Variants in ANKS1B observed in about 807,000 individuals in gnomAD.
ANKS1B encodes the protein ankyrin repeat and sterile alpha motif domain-containing protein 1B.
Under a neutral mutation model 148.3 loss-of-function variants are expected in ANKS1B, and 36 were observed. The observed-to-expected ratio is 0.24, with a 90% CI of 0.19 to 0.32. ANKS1B has a LOEUF of 0.32. ANKS1B is among the 10% of genes least tolerant of loss of function. ANKS1B has a pLI of 1.00. For missense variants in ANKS1B, 1,157 were observed against 1,542.6 expected (o/e 0.75, Z 4.19); for synonymous variants, 542 against 560.8 (o/e 0.97, Z 0.47).
chr12:98,968,556 T>C (rs776846949), intron 17 of ANKS1B, among the ~76,000 whole-genome samples: 28 of 152,284 alleles, frequency 1.8e-4, no homozygotes, highest in Non-Finnish European at 3.7e-4. Context: ...TTTTGTACTT[T>C]AGAGAAGAAT....
chr12:99,701,656 T>A (rs2054843699), intron 8 of ANKS1B, among the ~76,000 whole-genome samples: 1 of 152,102 alleles, frequency 6.6e-6, no homozygotes, highest in South Asian at 2.1e-4. Flanking sequence ...CATATTCTTA[T>A]ACTCATTAAT....
intron 17 of ANKS1B, among the ~76,000 whole-genome samples, chr12:99,013,124 G>A (rs2099940418): frequency 6.6e-6 from 1 of 152,166 alleles, no homozygotes; most frequent in Non-Finnish European, 1.5e-5. Context: ...AGAAAGTAAG[G>A]TAGCAATTAG....
At chr12:99,913,570 G>C (rs183224320) in intron 1 of ANKS1B, among the ~76,000 whole-genome samples, 43 of 152,268 alleles carry the variant, frequency 2.8e-4, no homozygotes, top group Admixed American at 2.7e-3. Context: ...GTAGTAAATG[G>C]ATTAAAGAGA....
chr12:98,843,323 T>C (rs911733698), intron 17 of ANKS1B, among the ~76,000 whole-genome samples: 1 of 152,206 alleles, frequency 6.6e-6, no homozygotes, highest in African/African-American at 2.4e-5. Context: ...CAGGGATGAA[T>C]TAGTTCCTGC....
chr12:99,144,684 T>C lies in ANKS1B; in HGVS notation c.2526+9605A>G, dbSNP rs190606234. Among the ~76,000 whole-genome samples, 50 of 152,094 alleles carry C rather than the reference T, an allele frequency of 3.3e-4. No individual in the cohort carries two copies. In the East Asian group the frequency reaches 5.0e-3, roughly 15 times the overall value. Reference sequence around the variant, plus strand: ...TAGATACACATCCTAGTAGATATAGTAGGATGTGGCCTTATTTGGAGATAG... The same window carrying C: ...TAGATACACATCCTAGTAGATATAGCAGGATGTGGCCTTATTTGGAGATAG... On this transcript the variant is annotated intron_variant, in intron 15 of 26. Coordinates refer to ENST00000683438, the MANE Select transcript of ANKS1B (RefSeq NM_001352186.2).
intron 14 of ANKS1B, among the ~76,000 whole-genome samples, chr12:99,209,011 C>T (rs778584045): frequency 3.3e-5 from 5 of 152,042 alleles, no homozygotes; most frequent in Admixed American, 6.6e-5. Context: ...ATAAGAATTA[C>T]TCTCTTTATA....
At chr12:99,390,618 AAG>A (rs1339210057) in intron 12 of ANKS1B, among the ~76,000 whole-genome samples, 1 of 152,200 alleles carries the variant, frequency 6.6e-6, no homozygotes, top group African/African-American at 2.4e-5. Flanking sequence ...AACATAAGAA[AAG>A]AGAGCTCTGG....
chr12:99,631,315 T>C (rs1452826265), intron 9 of ANKS1B, among the ~76,000 whole-genome samples: 1 of 152,034 alleles, frequency 6.6e-6, no homozygotes, highest in African/African-American at 2.4e-5. Flanking sequence ...ATACAGAAAA[T>C]TGTTACCGAG....
chr12:99,147,875 A>G (rs951955931), intron 15 of ANKS1B, among the ~76,000 whole-genome samples: 2 of 151,990 alleles, frequency 1.3e-5, no homozygotes, highest in African/African-American at 4.8e-5. Context: ...GATAGTGAAA[A>G]TCAGATATTG....
chr12:99,768,866 CT>C (rs993449050), intron 8 of ANKS1B, among the ~76,000 whole-genome samples: 1 of 148,498 alleles, frequency 6.7e-6, no homozygotes, highest in Non-Finnish European at 1.5e-5. Context: ...GGAGAACCTG[CT>C]TTTTTCCCCT....
chr12:99,797,563 T>C (rs1280449066), intron 4 of ANKS1B, among the ~76,000 whole-genome samples: 1 of 151,736 alleles, frequency 6.6e-6, no homozygotes, highest in Non-Finnish European at 1.5e-5. Context: ...AAAACAAAAT[T>C]TCCAAAATCG....
intron 17 of ANKS1B, among the ~76,000 whole-genome samples, chr12:98,953,563 T>C (rs912072950): frequency 4.4e-5 from 5 of 112,968 alleles, no homozygotes; most frequent in African/African-American, 8.0e-5. Context: ...TTTTTTTTTT[T>C]TTTGCCAAGG....
intron 14 of ANKS1B, among the ~76,000 whole-genome samples, chr12:99,205,724 A>G (rs916607868): frequency 1.3e-5 from 2 of 152,168 alleles, no homozygotes; most frequent in Non-Finnish European, 2.9e-5. Context: ...TGCTCTGAGA[A>G]GGTGCTTGAC....
At chr12:98,961,429 G>T (rs1481338607) in intron 17 of ANKS1B, among the ~76,000 whole-genome samples, 1 of 152,024 alleles carries the variant, frequency 6.6e-6, no homozygotes, top group Non-Finnish European at 1.5e-5. Flanking sequence ...AACTTTCCTG[G>T]ACAAACAAAG....
intron 17 of ANKS1B, among the ~76,000 whole-genome samples, chr12:98,930,505 A>G (rs1045140144): frequency 1.3e-5 from 2 of 152,204 alleles, no homozygotes; most frequent in Non-Finnish European, 2.9e-5. Context: ...AGCATTATTA[A>G]AAATAGCCCC....
At chr12:99,237,830 T>C (rs532266463) in intron 14 of ANKS1B, among the ~76,000 whole-genome samples, 1 of 152,240 alleles carries the variant, frequency 6.6e-6, no homozygotes, top group Non-Finnish European at 1.5e-5. Flanking sequence ...TTGCCAAGGC[T>C]GGTCTCAAAC....
intron 12 of ANKS1B, among the ~76,000 whole-genome samples, chr12:99,399,211 G>A (rs1331324779): frequency 1.3e-5 from 2 of 152,002 alleles, no homozygotes; most frequent in African/African-American, 2.4e-5. Context: ...AGTTCACCAT[G>A]GTTTAAATAG....
At chr12:99,627,998 A>T (rs1334256598) in intron 9 of ANKS1B, among the ~76,000 whole-genome samples, 2 of 152,190 alleles carry the variant, frequency 1.3e-5, no homozygotes, top group African/African-American at 4.8e-5. Context: ...ATACATTTTG[A>T]GAAATGTGGC....
At chr12:99,026,473 C>A (rs922569927) in intron 17 of ANKS1B, among the ~76,000 whole-genome samples, 5 of 152,120 alleles carry the variant, frequency 3.3e-5, no homozygotes, top group Middle Eastern at 3.2e-3. Context: ...ATTAAGACAT[C>A]AGCCTCTAGA....
Sources: allele counts gnomAD v4.1 joint callset (sites outside exome capture counted in the v4.1 genomes callset), GRCh38; gene constraint gnomAD v4.1.1; transcripts MANE v1.5; gene names NCBI Gene and HGNC (gene_info 2026-07-23, HGNC 2026-07-21).